Variants in UTP11 observed in about 807,000 individuals in gnomAD.
UTP11 encodes the protein UTP11 small subunit processome component.
A neutral mutation model predicts 39.0 loss-of-function variants in UTP11; 29 were observed. That is an observed-to-expected ratio of 0.74 (90% CI 0.55 to 1.01). The LOEUF is 1.01. Ranked by LOEUF, UTP11 falls within the 50% of genes least tolerant of loss-of-function variation. The probability of loss-of-function intolerance (pLI) is 0.00; values close to 1 mark genes in which losing one functional copy is unlikely to be tolerated. For synonymous variants in UTP11, 111 were observed against 105.0 expected (o/e 1.06, Z -0.35); for missense variants, 281 against 306.0 (o/e 0.92, Z 0.61).
At chr1:38,021,291 G>C (rs1026537463) in intron 6 of UTP11, among the ~76,000 whole-genome samples, 2 of 152,184 alleles carry the variant, frequency 1.3e-5, no homozygotes, top group Non-Finnish European at 2.9e-5. Flanking sequence ...AAAGAGATTA[G>C]TATTCCAAAT....
At chr1:38,020,880 C>T (rs561071911) in intron 6 of UTP11, among the ~76,000 whole-genome samples, 1 of 152,084 alleles carries the variant, frequency 6.6e-6, no homozygotes, top group South Asian at 2.1e-4. Flanking sequence ...AGAGCTTGCT[C>T]ATGAGTGTTC....
Position 38,019,267 on chromosome 1 carries a change from G to T in UTP11, c.451G>T (p.Val151Phe), listed in dbSNP as rs1351835924. 3 of 1,614,096 alleles carry T rather than the reference G, an allele frequency of 1.9e-6. No homozygotes were observed. The highest frequency in any genetic ancestry group is 1.1e-5 in the South Asian group (1 of 91,080). The change falls in exon 6 of 8, where the codon GTC becomes TTC. Residue 151 changes from valine to phenylalanine, a missense_variant. Transcript: ENST00000373014. ...TTGAATTTTAGTTGAACAGTTTGATGTCGCAACTCACCTGCAAACAGCCCC... is the reference window on the plus strand; with the variant it reads ...TTGAATTTTAGTTGAACAGTTTGATTTCGCAACTCACCTGCAAACAGCCCC... ...DTKKEVEQFD[V>F]ATHLQTAPEL...
intron 6 of UTP11, 28 bp from the exon 7 acceptor site, chr1:38,022,671 A>T: frequency 6.6e-7 from 1 of 1,508,600 alleles, no homozygotes; most frequent in Non-Finnish European, 9.2e-7. Context: ...TTCATTGTTC[A>T]CTGAGAATGT....
At chr1:38,013,445 A>G (rs377759667) in intron 1 of UTP11, among the ~76,000 whole-genome samples, 4 of 152,204 alleles carry the variant, frequency 2.6e-5, no homozygotes, top group African/African-American at 9.6e-5. Flanking sequence ...CAAACACCAG[A>G]TTCAGGCAGA....
chr1:38,022,251 C>T (rs965280228), intron 6 of UTP11, among the ~76,000 whole-genome samples: 3 of 152,222 alleles, frequency 2.0e-5, no homozygotes, highest in Non-Finnish European at 2.9e-5. Flanking sequence ...GAGAGGGGGA[C>T]GGTCCTGACT....
intron 1 of UTP11, among the ~76,000 whole-genome samples, chr1:38,014,648 AT>A (rs1293913759): frequency 1.3e-5 from 2 of 152,020 alleles, no homozygotes; most frequent in Non-Finnish European, 2.9e-5. Context: ...TATTTTACTT[AT>A]GTTTTTGAGA....
intron 6 of UTP11, 58 bp downstream of exon 6, chr1:38,019,441 T>G: frequency 7.3e-7 from 1 of 1,372,748 alleles, no homozygotes; most frequent in South Asian, 1.8e-5. Flanking sequence ...TGTTTTTTTT[T>G]TGTTTTTTTT....
chr1:38,022,725 G>A lies in UTP11; in HGVS notation c.594G>A (p.Gln198=). ...LKRIAKERQK[Q]YNCLTQRIER... is the part of the protein sequence containing the mutation. ...GAATAGCTAAAGAAAGGCAAAAGCA[G>A]TATAACTGCCTGACACAGCGGATTG... Residue 198 remains glutamine (Q), a synonymous_variant, in exon 7 of 8, where the codon CAG becomes CAA. Coordinates refer to ENST00000373014, the MANE Select transcript of UTP11 (RefSeq NM_016037.4). 6.2e-7 allele frequency: 1 copy of A among 1,613,960 alleles called. No individual in the cohort carries two copies. Among genetic ancestry groups the A allele is most frequent in the Non-Finnish European group, 8.5e-7 (1 of 1,179,892 alleles).
chr1:38,015,169 C>T (rs540740018), intron 1 of UTP11, among the ~76,000 whole-genome samples: 1 of 152,198 alleles, frequency 6.6e-6, no homozygotes, highest in East Asian at 1.9e-4. Context: ...ATTACAGGCA[C>T]CTGCCATCAT....
chr1:38,016,560 T>A (rs1310453194), intron 2 of UTP11, 140 bp downstream of exon 2: 2 of 805,996 alleles, frequency 2.5e-6, no homozygotes, highest in Non-Finnish European at 4.1e-6. Context: ...GCCTGTCAGA[T>A]AATTTTTTCT....
At position 38,017,674 on chromosome 1, in the gene UTP11, C is replaced by G; in HGVS notation, c.132C>G (p.Tyr44Ter). The change falls in exon 3 of 8, where the codon TAC (tyrosine) becomes TAG (stop). Residue 44 changes from tyrosine (Y) to a stop codon, truncating the protein, a stop_gained. Coordinates refer to ENST00000373014, the MANE Select transcript of UTP11 (RefSeq NM_016037.4). LOFTEE classifies it high-confidence loss of function. ...CATTTAACCTGTCTTTTAGTGACTA[C>G]CGTAAAAAACAAGAATACCTCAAAG... The part of the protein sequence containing the change: ...KKDYKLRADD[Y>*]RKKQEYLKAL... The G allele has an allele frequency of 6.4e-7, 1 of 1,554,926 alleles. No homozygotes were observed. Among genetic ancestry groups the G allele is most frequent in the South Asian group, 1.2e-5 (1 of 86,614 alleles).
rs79303053 is a variant in UTP11 at position 38,014,195 on chromosome 1, G to C, written c.63+1330G>C. Among the ~76,000 whole-genome samples, 212 of 152,376 alleles carry C rather than the reference G, an allele frequency of 1.4e-3. 2 individuals carry two copies. The highest frequency in any genetic ancestry group is 4.8e-3 in the African/African-American group (198 of 41,584). On this transcript the variant is annotated intron_variant, in intron 1 of 7. Transcript: ENST00000373014. ...AGTATATCCAAAGTCACAGTTGTAAGTAGTGGAATTGGATTAGCAGAGAAG... is the reference window on the plus strand; with the variant it reads ...AGTATATCCAAAGTCACAGTTGTAACTAGTGGAATTGGATTAGCAGAGAAG...
intron 4 of UTP11, among the ~76,000 whole-genome samples, 160 bp from the exon 5 acceptor site, chr1:38,018,899 T>C (rs771625624): frequency 6.6e-6 from 1 of 152,202 alleles, no homozygotes; most frequent in Non-Finnish European, 1.5e-5. Flanking sequence ...CCTAGCCCAA[T>C]ACCTGATATT....
Position 38,018,998 on chromosome 1 carries a change from T to C in UTP11, c.343-61T>C. The C allele has an allele frequency of 2.2e-6, 3 of 1,380,578 alleles. No individual in the cohort carries two copies. The South Asian group carries it at 4.2e-5, about 19-fold the overall frequency. The allele number at this position is 1,380,578 out of a possible 1,614,324, so 85.5% of individuals were successfully genotyped here. On this transcript the variant is annotated intron_variant, in intron 4 of 7. Transcript: ENST00000373014. ...AAATGGTTTAAACTTTTGCAGTTTT[T>C]TTTTTTTTTTGGTACCCTAGAAGAA...
intron 2 of UTP11, 136 bp downstream of exon 2, chr1:38,016,556 C>T (rs1354110824): frequency 4.7e-6 from 4 of 849,762 alleles, no homozygotes; most frequent in South Asian, 1.5e-5. Context: ...GGCAGCCTGT[C>T]AGATAATTTT....
At position 38,023,739 on chromosome 1, in the gene UTP11, T is replaced by A; in HGVS notation, c.*111T>A. 1.2e-6 allele frequency: 1 copy of A among 826,300 alleles called. No individual in the cohort carries two copies. The highest frequency in any genetic ancestry group is 1.8e-6 in the Non-Finnish European group (1 of 547,852). The allele number at this position is 826,300 out of a possible 1,614,324, so 51.2% of individuals were successfully genotyped here. A position where few individuals can be genotyped will look rare whatever the true frequency, so the allele number is the denominator to read the frequency against. ...TGGTTTTCCGGTTTGTAACCATAACTAAATTGTCAGTCTGACATTTAATGT... is the reference window on the plus strand; with the variant it reads ...TGGTTTTCCGGTTTGTAACCATAACAAAATTGTCAGTCTGACATTTAATGT... On this transcript the variant is annotated 3_prime_UTR_variant, in exon 8 of 8. Transcript: ENST00000373014.
At chr1:38,019,408 A>T (rs374273658) in intron 6 of UTP11, 25 bp downstream of exon 6, 2 of 1,582,326 alleles carry the variant, frequency 1.3e-6, no homozygotes, top group Non-Finnish European at 8.6e-7. Context: ...TGTTCTTCAC[A>T]TGTGAGCTTA....
chr1:38,018,219 A>G (rs986188785), intron 3 of UTP11, among the ~76,000 whole-genome samples: 1 of 151,914 alleles, frequency 6.6e-6, no homozygotes, highest in Non-Finnish European at 1.5e-5. Context: ...ACAGGCACAC[A>G]CTACTGTGCC....
intron 1 of UTP11, among the ~76,000 whole-genome samples, chr1:38,013,839 C>T (rs538342006): frequency 1.3e-5 from 2 of 152,306 alleles, no homozygotes; most frequent in South Asian, 4.1e-4. Context: ...CTCAGCCTCT[C>T]GAGTAGCTGG....
Sources: allele counts gnomAD v4.1 joint callset (sites outside exome capture counted in the v4.1 genomes callset), GRCh38; gene constraint gnomAD v4.1.1; transcripts MANE v1.5; gene names NCBI Gene and HGNC (gene_info 2026-07-23, HGNC 2026-07-21).